The following LRCH3 variants were observed in gnomAD, a reference collection of about 807,000 sequenced individuals.
LRCH3 encodes leucine rich repeats and calponin homology domain containing 3, also known as DISP complex protein LRCH3.
In LRCH3, 68 loss-of-function variants were observed where a neutral mutation model predicts 104.5. The observed-to-expected ratio is 0.65, with a 90% CI of 0.54 to 0.80. LRCH3 has a LOEUF of 0.80. LRCH3 is among the 30% of genes least tolerant of loss of function. LRCH3 has a pLI of 0.00. For missense variants in LRCH3, 951 were observed against 953.9 expected (o/e 1.00, Z 0.04); for synonymous variants, 344 against 361.3 (o/e 0.95, Z 0.54).
At chr3:197,827,530 C>T (rs900917888) in intron 5 of LRCH3, among the ~76,000 whole-genome samples, 6 of 152,154 alleles carry the variant, frequency 3.9e-5, no homozygotes, top group South Asian at 2.1e-4. Context: ...ATTTATCATT[C>T]GGTTAGAAAA....
intron 9 of LRCH3, among the ~76,000 whole-genome samples, chr3:197,837,517 A>G (rs1407545516): frequency 1.3e-5 from 2 of 152,176 alleles, no homozygotes; most frequent in Non-Finnish European, 2.9e-5. Flanking sequence ...ACAACCAGTG[A>G]AGTATCTTTT....
Position 197,856,412 on chromosome 3 carries a change from TTTTA to T in LRCH3, c.1644+1980_1644+1983del, listed in dbSNP as rs1476216034. On this transcript the variant is annotated intron_variant, in intron 14 of 20. Coordinates refer to ENST00000425562, the MANE Select transcript of LRCH3 (RefSeq NM_001365715.1). This position sits in a 1 kb window ranked among gnomAD's most constrained non-coding sequence, Gnocchi z 4.2. Reference sequence around the variant, plus strand: ...TTTTAAATTTAATTTTATTCTTTATTTTTATTTATTTATTTAATTATTTTGAGAC... The same window carrying T: ...TTTTAAATTTAATTTTATTCTTTATTTTTATTTATTTAATTATTTTGAGAC... 5.3e-5 allele frequency among the ~76,000 whole-genome samples: 8 copies of T among 151,932 alleles called. No individual in the cohort carries two copies. The highest frequency in any genetic ancestry group is 1.7e-4 in the African/African-American group (7 of 41,402).
chr3:197,867,220 T>C (rs183753399), intron 17 of LRCH3, among the ~76,000 whole-genome samples: 1 of 151,820 alleles, frequency 6.6e-6, no homozygotes, highest in Non-Finnish European at 1.5e-5. Context: ...GAAGTTGCAG[T>C]GAGCCAAGAT....
Position 197,854,577 on chromosome 3 carries a change from T to C in LRCH3, c.1644+132T>C. The C allele has an allele frequency of 1.2e-6, 1 of 857,832 alleles. No homozygotes were observed. 53.1% of individuals were successfully genotyped at this position (857,832 alleles called of 1,614,324 possible). A position where few individuals can be genotyped will look rare whatever the true frequency, so the allele number is the denominator to read the frequency against. On this transcript the variant is annotated intron_variant, in intron 14 of 20. Coordinates refer to ENST00000425562, the MANE Select transcript of LRCH3 (RefSeq NM_001365715.1). This position sits in a 1 kb window ranked among gnomAD's most constrained non-coding sequence, Gnocchi z 4.5. Reference sequence around the variant, plus strand: ...AATGCTTTATGAAGAACTAAACCATTTTCCCACATGACCATTTGTGATTGA... The same window carrying C: ...AATGCTTTATGAAGAACTAAACCATCTTCCCACATGACCATTTGTGATTGA...
chr3:197,793,341 C>T (rs1730845408), intron 1 of LRCH3, among the ~76,000 whole-genome samples: 1 of 152,146 alleles, frequency 6.6e-6, no homozygotes, highest in African/African-American at 2.4e-5. Context: ...TTTAAAGTTT[C>T]TTGCTAAGGT....
intron 9 of LRCH3, among the ~76,000 whole-genome samples, chr3:197,838,820 G>T (rs558447850): frequency 6.6e-6 from 1 of 152,022 alleles, no homozygotes; most frequent in African/African-American, 2.4e-5. Flanking sequence ...GATATTCACC[G>T]ACACACTCAA....
chr3:197,805,923 T>C (rs1394994410), intron 1 of LRCH3, among the ~76,000 whole-genome samples: 1 of 152,104 alleles, frequency 6.6e-6, no homozygotes, highest in Non-Finnish European at 1.5e-5. Flanking sequence ...GGGTTTTTTT[T>C]GTTTTTGTTT....
At chr3:197,865,562 T>C in intron 16 of LRCH3, 91 bp downstream of exon 16, 2 of 810,330 alleles carry the variant, frequency 2.5e-6, no homozygotes, top group Non-Finnish European at 3.6e-6. Flanking sequence ...GACGAGGCCT[T>C]TCTGTGTTGA....
chr3:197,817,668 A>T (rs966133208), intron 3 of LRCH3, among the ~76,000 whole-genome samples: 4 of 151,958 alleles, frequency 2.6e-5, no homozygotes, highest in African/African-American at 9.7e-5. Flanking sequence ...TTTTCAAAAT[A>T]AATTTGTTTG....
rs776320224 is a variant in LRCH3 at position 197,870,205 on chromosome 3, C to G, written c.1919C>G (p.Ser640Cys). Residue 640 changes from serine (S) to cysteine (C), a missense_variant, in exon 18 of 21, where the codon TCT (serine) becomes TGT (cysteine). Physicochemically the swap from Ser to Cys is moderately radical, Grantham distance 112. Coordinates refer to ENST00000425562, the MANE Select transcript of LRCH3 (RefSeq NM_001365715.1). ...LPPSAAPTTD[S>C]TDSITGQNSR... ...CCATCTGCTGCACCTACCACTGATT[C>G]TACAGATTCCATAACAGGACAGAAT... is the stretch of plus-strand genomic sequence containing the variant. The G allele has an allele frequency of 3.1e-6, 5 of 1,612,810 alleles. No homozygotes were observed. The highest frequency in any genetic ancestry group is 2.7e-5 in the African/African-American group (2 of 74,878).
Position 197,809,870 on chromosome 3 carries a change from CT to C in LRCH3, c.263-5036del, listed in dbSNP as rs1560528724. Among the ~76,000 whole-genome samples the C allele has an allele frequency of 2.0e-5, 3 of 152,236 alleles. No homozygotes were observed. The East Asian group carries it at 5.8e-4, about 29-fold the overall frequency. On this transcript the variant is annotated intron_variant, in intron 1 of 20. Coordinates refer to ENST00000425562, the MANE Select transcript of LRCH3 (RefSeq NM_001365715.1). ...TAGGATGGTCTAGCATCTCTGTCATCTTAGTGTTGGCATTTATTGTTTTTTA... is the reference window on the plus strand; with the variant it reads ...TAGGATGGTCTAGCATCTCTGTCATCTAGTGTTGGCATTTATTGTTTTTTA...
intron 4 of LRCH3, among the ~76,000 whole-genome samples, chr3:197,824,361 C>T (rs201027473): frequency 3.6e-5 from 5 of 137,826 alleles, no homozygotes; most frequent in Middle Eastern, 3.7e-3. Flanking sequence ...CCACGCCCGG[C>T]TTTTTTTTTT....
chr3:197,863,199 T>G (rs1741077873), intron 15 of LRCH3, among the ~76,000 whole-genome samples: 1 of 152,146 alleles, frequency 6.6e-6, no homozygotes. Context: ...ATATTTAGAT[T>G]ATATTTCAAG....
At chr3:197,820,258 T>C (rs1734333424) in intron 3 of LRCH3, 67 bp from the exon 4 acceptor site, 1 of 1,114,336 alleles carries the variant, frequency 9.0e-7, no homozygotes, top group Non-Finnish European at 1.4e-6. Flanking sequence ...TCTAATTTTA[T>C]AGACAGTTTA....
In LRCH3 at chr3:197,879,512, G is replaced by A. The variant is rs373776034; in HGVS notation, c.2208+3737G>A. Among the ~76,000 whole-genome samples, 915 of 151,580 alleles carry A rather than the reference G, an allele frequency of 6.0e-3. 8 individuals carry two copies. Among genetic ancestry groups the A allele is most frequent in the Non-Finnish European group, 9.4e-3 (637 of 68,024 alleles). On this transcript the variant is annotated intron_variant, in intron 20 of 20. Transcript: ENST00000425562. ...ATACAAAAAATTAGCCGGGCGTGGTGGCGGGCGCCTGTAGTCCCAGCTGCT... is the reference window on the plus strand; with the variant it reads ...ATACAAAAAATTAGCCGGGCGTGGTAGCGGGCGCCTGTAGTCCCAGCTGCT...
At position 197,817,222 on chromosome 3, in the gene LRCH3, T is replaced by G. The variant is rs768971597; in HGVS notation, c.454T>G (p.Leu152Val). The change falls in exon 3 of 21, where the codon TTG (leucine) becomes GTG (valine). Residue 152 changes from leucine to valine, a missense_variant. Coordinates refer to ENST00000425562, the MANE Select transcript of LRCH3 (RefSeq NM_001365715.1). Reference protein sequence around the residue: ...TLPVHLCNLPLKVLIASNNKL... With the variant: ...TLPVHLCNLPVKVLIASNNKL... ...GCCGGTACACTTGTGTAATTTGCCA[T>G]TGAAAGTCTTAATTGCTAGTAATAA... 6.2e-7 allele frequency: 1 copy of G among 1,610,188 alleles called. No homozygotes were observed. Among genetic ancestry groups the G allele is most frequent in the Admixed American group, 1.7e-5 (1 of 59,378 alleles).
chr3:197,881,302 A>G, intron 20 of LRCH3: 1 of 978,908 alleles, frequency 1.0e-6, no homozygotes, highest in South Asian at 4.7e-5. Context: ...TTTCAAAGGT[A>G]TTGGCCATAA....
chr3:197,880,361 G>GTTTTTTTTTTTTTTTTT, intron 20 of LRCH3: 2 of 660,550 alleles, frequency 3.0e-6, no homozygotes, highest in Non-Finnish European at 5.2e-6. Context: ...GGTTTTCAGC[G>GTTTTTTTTTTTTTTTTT]TTTTATTTTT....
chr3:197,829,245 A>G (rs1475314948), intron 5 of LRCH3, among the ~76,000 whole-genome samples: 2 of 152,212 alleles, frequency 1.3e-5, no homozygotes, highest in African/African-American at 4.8e-5. Flanking sequence ...TAATGAGGAG[A>G]AATGCTTTAA....
Sources: allele counts gnomAD v4.1 joint callset (sites outside exome capture counted in the v4.1 genomes callset), GRCh38; gene constraint gnomAD v4.1.1; non-coding constraint Gnocchi (gnomAD v3.1); transcripts MANE v1.5; gene names NCBI Gene and HGNC (gene_info 2026-07-23, HGNC 2026-07-21).